The following PELI2 variants were observed in gnomAD, a reference collection of about 807,000 sequenced individuals.
PELI2 encodes the protein pellino E3 ubiquitin protein ligase family member 2.
In PELI2, 23 loss-of-function variants were observed where a neutral mutation model predicts 42.3. The ratio of observed to expected loss-of-function variants is 0.54; its 90% CI spans 0.39 to 0.77. The LOEUF (loss-of-function observed/expected upper bound fraction) is 0.77. PELI2 is among the 30% of genes least tolerant of loss of function. The probability of loss-of-function intolerance (pLI) is 0.00; values close to 1 mark genes in which losing one functional copy is unlikely to be tolerated. For synonymous variants in PELI2, 245 were observed against 212.2 expected (o/e 1.15, Z -1.34); for missense variants, 463 against 553.2 (o/e 0.84, Z 1.64).
chr14:56,237,135 T>G (rs1887826730), intron 2 of PELI2, among the ~76,000 whole-genome samples: 1 of 152,186 alleles, frequency 6.6e-6, no homozygotes. Context: ...CTAATATTCC[T>G]TACTCACCAG....
rs1453108980 is a variant in PELI2 at position 56,180,071 on chromosome 14, T to C, written c.207+1607T>C. 6.6e-6 allele frequency among the ~76,000 whole-genome samples: 1 copy of C among 152,224 alleles called. No individual in the cohort carries two copies. The highest frequency in any genetic ancestry group is 2.4e-5 in the African/African-American group (1 of 41,464). ...GCCTTTTATGTTTTACTTTTATACC[T>C]AGATTTTACTTCCAAGTTATTTAGA... On this transcript the variant is annotated intron_variant, in intron 2 of 5. Transcript: ENST00000267460. This position sits in a 1 kb window ranked among gnomAD's most constrained non-coding sequence, Gnocchi z 4.4.
chr14:56,174,879 C>A (rs1885315503), intron 1 of PELI2, among the ~76,000 whole-genome samples: 1 of 152,190 alleles, frequency 6.6e-6, no homozygotes, highest in Non-Finnish European at 1.5e-5. Flanking sequence ...ACCCTCCTTT[C>A]CCACTACTCT....
intron 2 of PELI2, among the ~76,000 whole-genome samples, chr14:56,205,208 G>T (rs1055579454): frequency 6.6e-6 from 1 of 152,088 alleles, no homozygotes; most frequent in Non-Finnish European, 1.5e-5. Flanking sequence ...GAAGTTACGG[G>T]TACATGCTAC....
rs1054350363 is a variant in PELI2, at chr14:56,252,635, G to C, written c.208-27041G>C. Among the ~76,000 whole-genome samples the C allele has an allele frequency of 2.0e-5, 3 of 152,118 alleles. No homozygotes were observed. In the East Asian group the frequency reaches 5.8e-4, roughly 29 times the overall value. On this transcript the variant is annotated intron_variant, in intron 2 of 5. Coordinates refer to ENST00000267460, the MANE Select transcript of PELI2 (RefSeq NM_021255.3). Reference sequence around the variant, plus strand: ...GGAAGAGGAGAACAGCTTCTTGCAAGAGAGAGGAGATAGAGGGAGAGCGAG... The same window carrying C: ...GGAAGAGGAGAACAGCTTCTTGCAACAGAGAGGAGATAGAGGGAGAGCGAG...
At chr14:56,169,538 C>A (rs112294116) in intron 1 of PELI2, among the ~76,000 whole-genome samples, 1 of 152,198 alleles carries the variant, frequency 6.6e-6, no homozygotes, top group African/African-American at 2.4e-5. Flanking sequence ...GCTCTTAGCA[C>A]TAGGCTTGTT....
At chr14:56,126,235 G>C (rs1157885845) in intron 1 of PELI2, among the ~76,000 whole-genome samples, 1 of 152,192 alleles carries the variant, frequency 6.6e-6, no homozygotes, top group African/African-American at 2.4e-5. Context: ...GGCGTTGAAA[G>C]GCTGTGGTCA....
Position 56,288,469 on chromosome 14 carries a change from C to A in PELI2, c.342C>A (p.Phe114Leu), listed in dbSNP as rs1317635719. 2 of 1,613,918 alleles carry A rather than the reference C, an allele frequency of 1.2e-6. No individual in the cohort carries two copies. The highest frequency in any genetic ancestry group is 3.3e-4 in the Middle Eastern group (2 of 6,084). ...GATCAACAGAAAGCCCTATCGACTTCGTTGTCACAGACACGATTTCTGGCA... is the reference window on the plus strand; with the variant it reads ...GATCAACAGAAAGCCCTATCGACTTAGTTGTCACAGACACGATTTCTGGCA... ...VGRSTESPID[F>L]VVTDTISGSQ... Residue 114 changes from phenylalanine (F) to leucine (L), a missense_variant, in exon 4 of 6, where the codon TTC becomes TTA. Physicochemically the swap from Phe to Leu is conservative, Grantham distance 22. Around this residue, in one of 3 missense-constraint regions of PELI2, gnomAD observed 343 missense variants for 378.4 expected, o/e 0.91. Coordinates refer to ENST00000267460, the MANE Select transcript of PELI2 (RefSeq NM_021255.3). The surrounding 1 kb of genome is among the most constrained non-coding windows in gnomAD (Gnocchi z 4.6).
chr14:56,231,621 A>T (rs36155724), intron 2 of PELI2, among the ~76,000 whole-genome samples: 61,306 of 152,048 alleles, frequency 0.4, 13,078 homozygotes, highest in South Asian at 0.53. Context: ...GTGTAGAGGG[A>T]AGTTTATAGC....
chr14:56,247,919 A>C (rs79170412), intron 2 of PELI2, among the ~76,000 whole-genome samples: 28,603 of 152,200 alleles, frequency 0.19, 2,760 homozygotes, highest in East Asian at 0.24. Context: ...GAGAAACTTG[A>C]AATATAAACG....
chr14:56,269,770 A>T (rs1889033202), intron 2 of PELI2, among the ~76,000 whole-genome samples: 1 of 152,192 alleles, frequency 6.6e-6, no homozygotes, highest in Admixed American at 6.5e-5. Context: ...AGGCTGGTTT[A>T]AAAAGACTGG....
At chr14:56,243,924 T>C (rs1888064768) in intron 2 of PELI2, among the ~76,000 whole-genome samples, 1 of 152,206 alleles carries the variant, frequency 6.6e-6, no homozygotes, top group Non-Finnish European at 1.5e-5. Context: ...GAAAATTGAA[T>C]TTTACTTGGG....
intron 1 of PELI2, among the ~76,000 whole-genome samples, chr14:56,135,247 ACCTTGGGAGTAAGCCACAAT>A (rs1883644395): frequency 6.6e-6 from 1 of 152,222 alleles, no homozygotes; most frequent in African/African-American, 2.4e-5. Flanking sequence ...GTGTGCACAC[ACCTTGGGAGTAAGCCACAAT>A]CCAAATGATT....
chr14:56,125,083 G>T (rs1035466921), intron 1 of PELI2, among the ~76,000 whole-genome samples: 8 of 152,154 alleles, frequency 5.3e-5, no homozygotes, highest in African/African-American at 1.9e-4. Context: ...AGGAGAAACT[G>T]AGGCTGCAGC....
chr14:56,154,549 G>A (rs970518330), intron 1 of PELI2, among the ~76,000 whole-genome samples: 2 of 152,340 alleles, frequency 1.3e-5, no homozygotes, highest in East Asian at 1.9e-4. Context: ...AGCAACGATC[G>A]TTAGTTTCCT....
intron 5 of PELI2, 152 bp downstream of exon 5, chr14:56,290,608 G>C (rs1889798170): frequency 2.1e-6 from 1 of 483,946 alleles, no homozygotes; most frequent in African/African-American, 1.9e-5. Flanking sequence ...ACAAGCCCCT[G>C]AAATCAAGAG....
At chr14:56,164,517 T>G (rs1884881182) in intron 1 of PELI2, among the ~76,000 whole-genome samples, 1 of 152,154 alleles carries the variant, frequency 6.6e-6, no homozygotes, top group Admixed American at 6.5e-5. Context: ...TTGATGTGTC[T>G]TCATGTGGTT....
Position 56,221,462 on chromosome 14 carries a change from T to G in PELI2, c.207+42998T>G, listed in dbSNP as rs1391779300. ...CTCCACCTAACACAGTGCTCAGGAA[T>G]AATTGTTTCATTTTATAAAACAAAC... On this transcript the variant is annotated intron_variant, in intron 2 of 5. Coordinates refer to ENST00000267460, the MANE Select transcript of PELI2 (RefSeq NM_021255.3). Among the ~76,000 whole-genome samples the G allele has an allele frequency of 2.6e-5, 4 of 152,220 alleles. No individual in the cohort carries two copies. In the East Asian group the frequency reaches 7.7e-4, roughly 29 times the overall value.
rs571935875 is a variant in PELI2 at position 56,279,849 on chromosome 14, G to T, written c.309+72G>T. Reference sequence around the variant, plus strand: ...ATTCTCTATTTTTTATATGTAATCAGATCTTCCAGCCCAGTATGTCCAGGG... The same window carrying T: ...ATTCTCTATTTTTTATATGTAATCATATCTTCCAGCCCAGTATGTCCAGGG... On this transcript the variant is annotated intron_variant, in intron 3 of 5. Transcript: ENST00000267460. The T allele has an allele frequency of 6.4e-5, 46 of 723,192 alleles. No homozygotes were observed. In the South Asian group the frequency reaches 7.5e-4, roughly 12 times the overall value. 44.8% of individuals were successfully genotyped at this position (723,192 alleles called of 1,614,324 possible). A position where few individuals can be genotyped will look rare whatever the true frequency, so the allele number is the denominator to read the frequency against.
intron 1 of PELI2, among the ~76,000 whole-genome samples, chr14:56,131,551 T>C (rs1883483500): frequency 6.6e-6 from 1 of 152,244 alleles, no homozygotes; most frequent in Admixed American, 6.5e-5. Context: ...GTTCTGCTAA[T>C]GTAATAAGCG....
Sources: allele counts gnomAD v4.1 joint callset (sites outside exome capture counted in the v4.1 genomes callset), GRCh38; gene constraint gnomAD v4.1.1; regional missense constraint gnomAD v4.1.1; non-coding constraint Gnocchi (gnomAD v3.1); transcripts MANE v1.5; gene names NCBI Gene and HGNC (gene_info 2026-07-23, HGNC 2026-07-21).